The following NHLRC2 variants were observed in gnomAD, a reference collection of about 807,000 sequenced individuals.
NHLRC2 encodes the protein NHL repeat-containing protein 2.
In NHLRC2, 33 loss-of-function variants were observed where a neutral mutation model predicts 68.1. That is an observed-to-expected ratio of 0.48 (90% confidence interval 0.37 to 0.65). NHLRC2 has a LOEUF of 0.65. NHLRC2 is among the 30% of genes least tolerant of loss of function. The probability of loss-of-function intolerance (pLI) is 0.00; values close to 1 mark genes in which losing one functional copy is unlikely to be tolerated. For synonymous variants in NHLRC2, 311 were observed against 309.6 expected (o/e 1.00, Z -0.05); for missense variants, 761 against 853.8 (o/e 0.89, Z 1.35).
chr10:113,906,519 A>T, intron 10 of NHLRC2, among the ~76,000 whole-genome samples: 1 of 151,398 alleles, frequency 6.6e-6, no homozygotes. Context: ...AAGAAGTTAG[A>T]ATATATGCAA....
At chr10:113,899,793 C>T (rs893820699) in intron 6 of NHLRC2, among the ~76,000 whole-genome samples, 5 of 152,080 alleles carry the variant, frequency 3.3e-5, no homozygotes, top group Admixed American at 3.3e-4. Flanking sequence ...TGGCGCTTGC[C>T]TGTAATCCCA....
rs780073832 is a variant in NHLRC2, at chr10:113,901,717, G to C, written c.1191G>C (p.Glu397Asp). ...CLRFAGSGNEENRNNAYPHKA... is the reference protein window; with the variant it reads ...CLRFAGSGNEDNRNNAYPHKA... ...GGTTTGCTGGAAGTGGAAATGAAGAGAATCGAAACAATGCCTATCCTCACA... is the reference window on the plus strand; with the variant it reads ...GGTTTGCTGGAAGTGGAAATGAAGACAATCGAAACAATGCCTATCCTCACA... The change falls in exon 7 of 11, where the codon GAG (glutamate) becomes GAC (aspartate). Residue 397 changes from glutamate to aspartate, a missense_variant. By Grantham distance (45) the Glu-to-Asp change is conservative. Coordinates refer to ENST00000369301, the MANE Select transcript of NHLRC2 (RefSeq NM_198514.4). 1 of 1,614,176 alleles carries C rather than the reference G, an allele frequency of 6.2e-7. No homozygotes were observed. The highest frequency in any genetic ancestry group is 1.3e-5 in the African/African-American group (1 of 75,066).
intron 4 of NHLRC2, among the ~76,000 whole-genome samples, chr10:113,882,465 A>T (rs1299720022): frequency 1.3e-5 from 2 of 151,596 alleles, no homozygotes; most frequent in Non-Finnish European, 3.0e-5. Context: ...GATGTCAACC[A>T]CCTTTTCCTG....
At chr10:113,896,109 G>A (rs1010286437) in intron 5 of NHLRC2, among the ~76,000 whole-genome samples, 3 of 152,044 alleles carry the variant, frequency 2.0e-5, no homozygotes, top group East Asian at 1.9e-4. Context: ...TCAGTGTGGC[G>A]ATTCCTCAGG....
At chr10:113,858,814 A>T in intron 2 of NHLRC2, 134 bp downstream of exon 2, 2 of 586,128 alleles carry the variant, frequency 3.4e-6, no homozygotes, top group South Asian at 5.7e-5. Flanking sequence ...CTTATCTATG[A>T]ATTAAAGACT....
In NHLRC2 at chr10:113,876,798, G is replaced by T; in HGVS notation, c.609G>T (p.Gln203His). The T allele has an allele frequency of 1.9e-6, 3 of 1,612,266 alleles. No homozygotes were observed. Among genetic ancestry groups the T allele is most frequent in the Non-Finnish European group, 2.5e-6 (3 of 1,178,512 alleles). Residue 203 changes from glutamine to histidine, a missense_variant, in exon 3 of 11, where the codon CAG becomes CAT. Gln to His is a conservative substitution (Grantham distance 24). Transcript: ENST00000369301. ...TAAAGTATTACAAAGACAGGGGGCA[G>T]ATCAGAGATAATAAAATTGGAATAA... Reference protein sequence around the residue: ...IALKYYKDRGQIRDNKIGIKL... With the variant: ...IALKYYKDRGHIRDNKIGIKL...
chr10:113,901,734 A>G lies in NHLRC2; in HGVS notation c.1208A>G (p.Tyr403Cys), dbSNP rs1564858585. The change falls in exon 7 of 11, where the codon TAT (tyrosine) becomes TGT (cysteine). Residue 403 changes from tyrosine (Y) to cysteine (C), a missense_variant. Tyr to Cys is a radical substitution (Grantham distance 194). Coordinates refer to ENST00000369301, the MANE Select transcript of NHLRC2 (RefSeq NM_198514.4). ...AATGAAGAGAATCGAAACAATGCCT[A>G]TCCTCACAAGGCAGGTTTTGCCCAA... ...SGNEENRNNA[Y>C]PHKAGFAQPS... is the part of the protein sequence containing the mutation. 6.2e-7 allele frequency: 1 copy of G among 1,614,186 alleles called. No homozygotes were observed. The highest frequency in any genetic ancestry group is 1.3e-5 in the African/African-American group (1 of 75,058).
chr10:113,870,827 A>G (rs1351561490), intron 2 of NHLRC2, among the ~76,000 whole-genome samples: 1 of 152,056 alleles, frequency 6.6e-6, no homozygotes, highest in Non-Finnish European at 1.5e-5. Context: ...ATTTTTACCA[A>G]TCTAATAGAT....
At chr10:113,876,179 A>G (rs1413541569) in intron 2 of NHLRC2, among the ~76,000 whole-genome samples, 1 of 151,870 alleles carries the variant, frequency 6.6e-6, no homozygotes, top group African/African-American at 2.4e-5. Context: ...CTGAATTTCA[A>G]AGGGGCTTAT....
rs555030721 is a variant in NHLRC2 at position 113,874,004 on chromosome 10, T to C, written c.332-2517T>C. On this transcript the variant is annotated intron_variant, in intron 2 of 10. Coordinates refer to ENST00000369301, the MANE Select transcript of NHLRC2 (RefSeq NM_198514.4). ...AATGAGTTAAGCCCATTGGTACTTA[T>C]TCATATGACTGGTAATGTACAAGTA... is the stretch of plus-strand genomic sequence containing the variant. Among the ~76,000 whole-genome samples the C allele has an allele frequency of 2.7e-3, 414 of 152,342 alleles. 2 individuals carry two copies. Among genetic ancestry groups the C allele is most frequent in the African/African-American group, 9.7e-3 (403 of 41,576 alleles).
intron 4 of NHLRC2, among the ~76,000 whole-genome samples, chr10:113,880,077 T>C (rs1846023015): frequency 6.6e-6 from 1 of 152,076 alleles, no homozygotes; most frequent in Non-Finnish European, 1.5e-5. Flanking sequence ...ACTTTTATGC[T>C]TTGGCTGGAA....
Position 113,914,809 on chromosome 10 carries a change from T to G in NHLRC2, c.*6273T>G, listed in dbSNP as rs1335942297. 8.7e-6 allele frequency: 3 copies of G among 345,146 alleles called. No individual in the cohort carries two copies. Among genetic ancestry groups the G allele is most frequent in the Non-Finnish European group, 1.7e-5 (3 of 175,572 alleles). The allele number at this position is 345,146 out of a possible 1,614,324, so 21.4% of individuals were successfully genotyped here. A position where few individuals can be genotyped will look rare whatever the true frequency, so the allele number is the denominator to read the frequency against. On this transcript the variant is annotated 3_prime_UTR_variant, in exon 11 of 11. Transcript: ENST00000369301. ...ATTTTGTCCTGAATAATTAAGAGTT[T>G]GCTTTTTTCCCATGTCTTTGCAATA...
intron 1 of NHLRC2, among the ~76,000 whole-genome samples, chr10:113,858,306 A>G (rs1465053640): frequency 3.3e-5 from 5 of 151,916 alleles, no homozygotes; most frequent in Non-Finnish European, 4.4e-5. Flanking sequence ...GTTTAGTTAC[A>G]GTCATAAAGA....
chr10:113,857,226 CT>C (rs1409312904), intron 1 of NHLRC2, among the ~76,000 whole-genome samples: 7 of 152,210 alleles, frequency 4.6e-5, no homozygotes, highest in Admixed American at 1.3e-4. Context: ...TCTATACCCC[CT>C]GATCTAAGCC....
chr10:113,882,938 C>T (rs1185800983), intron 4 of NHLRC2, among the ~76,000 whole-genome samples: 3 of 151,688 alleles, frequency 2.0e-5, no homozygotes, highest in Non-Finnish European at 4.4e-5. Flanking sequence ...AACATTTGTC[C>T]AAAAGACTGT....
At chr10:113,894,676 G>T (rs1251079979) in intron 5 of NHLRC2, among the ~76,000 whole-genome samples, 1 of 151,936 alleles carries the variant, frequency 6.6e-6, no homozygotes, top group Non-Finnish European at 1.5e-5. Flanking sequence ...GTAGGATTTT[G>T]TTCTTAAGTA....
At chr10:113,877,075 A>G in intron 3 of NHLRC2, 99 bp downstream of exon 3, 1 of 722,762 alleles carries the variant, frequency 1.4e-6, no homozygotes, top group Non-Finnish European at 2.2e-6. Flanking sequence ...AAAACTAATT[A>G]TAGAAAAGTG....
chr10:113,857,222 C>T (rs1164896309), intron 1 of NHLRC2, among the ~76,000 whole-genome samples: 4 of 152,078 alleles, frequency 2.6e-5, no homozygotes, highest in South Asian at 4.1e-4. Flanking sequence ...TCTTTCTATA[C>T]CCCCTGATCT....
At position 113,902,542 on chromosome 10, in the gene NHLRC2, A is replaced by G. The variant is rs1564858810; in HGVS notation, c.1443A>G (p.Thr481=). Residue 481 remains threonine (T), a synonymous_variant, in exon 8 of 11, where the codon ACA becomes ACG. Coordinates refer to ENST00000369301, the MANE Select transcript of NHLRC2 (RefSeq NM_198514.4). ...NAKLQHPLGV[T]WDKKRNLLYV... ...AGCTTCAACACCCCCTTGGAGTAACATGGGACAAAAAAAGGAATTTACTTT... is the reference window on the plus strand; with the variant it reads ...AGCTTCAACACCCCCTTGGAGTAACGTGGGACAAAAAAAGGAATTTACTTT... 1.2e-5 allele frequency: 19 copies of G among 1,609,212 alleles called. No individual in the cohort carries two copies. The highest frequency in any genetic ancestry group is 2.2e-5 in the South Asian group (2 of 90,474).
Sources: gnomAD v4.1 joint callset for allele counts (sites outside exome capture counted in the v4.1 genomes callset) on GRCh38, gnomAD v4.1.1 for gene constraint, MANE v1.5 for transcripts, NCBI Gene and HGNC (gene_info 2026-07-23, HGNC 2026-07-21) for gene names.